The following CFAP221 variants were observed in gnomAD, a reference collection of about 807,000 sequenced individuals.
CFAP221 encodes the protein cilia- and flagella-associated protein 221.
CFAP221 carries 97 observed loss-of-function variants against 113.1 expected under a neutral mutation model. That is an observed-to-expected ratio of 0.86 (90% CI 0.73 to 1.02). CFAP221 has a LOEUF of 1.02. Ranked by LOEUF, CFAP221 falls within the 50% of genes least tolerant of loss-of-function variation. CFAP221 has a pLI of 0.00. For synonymous variants in CFAP221, 331 were observed against 354.4 expected (o/e 0.93, Z 0.74); for missense variants, 1,025 against 1,013.4 (o/e 1.01, Z -0.16).
At chr2:119,629,994 A>T in intron 17 of CFAP221, 39 bp downstream of exon 17, 2 of 1,499,752 alleles carry the variant, frequency 1.3e-6, no homozygotes, top group Non-Finnish European at 1.8e-6. Context: ...TGAGTTTCTT[A>T]TTAAGTAAAC....
At chr2:119,656,310 G>T (rs890555955) in intron 23 of CFAP221, 52 bp from the exon 24 acceptor site, 5 of 1,459,238 alleles carry the variant, frequency 3.4e-6, no homozygotes, top group African/African-American at 1.4e-5. Flanking sequence ...GGTGATTTGC[G>T]TGGTTTTATT....
At chr2:119,547,524 A>G (rs1680134862) in intron 2 of CFAP221, among the ~76,000 whole-genome samples, 1 of 152,182 alleles carries the variant, frequency 6.6e-6, no homozygotes, top group African/African-American at 2.4e-5. Context: ...GCGCCACTGC[A>G]CTCCAGTCAG....
In CFAP221 at chr2:119,587,099, C is replaced by T. The variant is rs895924839; in HGVS notation, c.528-20C>T. ...TAAAGAAAAATAATATTTTTATTTT[C>T]TTTTTTGTTTGTTTTGCAGCAAAAC... On this transcript the variant is annotated intron_variant, in intron 6 of 23. Coordinates refer to ENST00000413369, the MANE Select transcript of CFAP221 (RefSeq NM_001271049.2). 3 of 1,460,016 alleles carry T rather than the reference C, an allele frequency of 2.1e-6. No homozygotes were observed. Among genetic ancestry groups the T allele is most frequent in the East Asian group, 5.0e-5 (2 of 39,926 alleles). The allele number at this position is 1,460,016 out of a possible 1,614,324, so 90.4% of individuals were successfully genotyped here.
At chr2:119,549,759 T>C (rs1310809171) in intron 3 of CFAP221, among the ~76,000 whole-genome samples, 2 of 152,284 alleles carry the variant, frequency 1.3e-5, no homozygotes, top group Middle Eastern at 6.8e-3. Context: ...CCAGAGAGAA[T>C]CTGTCTAGGT....
At chr2:119,583,076 A>G (rs1682958472) in intron 6 of CFAP221, among the ~76,000 whole-genome samples, 1 of 152,170 alleles carries the variant, frequency 6.6e-6, no homozygotes, top group Admixed American at 6.5e-5. Flanking sequence ...ACCTAAAATA[A>G]AACTTTTCAG....
chr2:119,594,049 A>G (rs1683781425), intron 7 of CFAP221, among the ~76,000 whole-genome samples: 2 of 152,126 alleles, frequency 1.3e-5, no homozygotes. Context: ...CATCCAAACC[A>G]TAGCATACAG....
intron 23 of CFAP221, among the ~76,000 whole-genome samples, chr2:119,653,248 G>A (rs1688234525): frequency 6.6e-6 from 1 of 152,064 alleles, no homozygotes; most frequent in South Asian, 2.1e-4. Flanking sequence ...GGGCGTGGTG[G>A]CAGGTGCCTA....
chr2:119,582,753 G>A (rs1177594075), intron 6 of CFAP221, among the ~76,000 whole-genome samples: 1 of 152,136 alleles, frequency 6.6e-6, no homozygotes, highest in African/African-American at 2.4e-5. Flanking sequence ...ACAGCACCCA[G>A]CTGTCAATAA....
chr2:119,544,928 G>A (rs1169579989), intron 1 of CFAP221, among the ~76,000 whole-genome samples: 2 of 152,082 alleles, frequency 1.3e-5, no homozygotes, highest in African/African-American at 4.8e-5. Flanking sequence ...GGCTCCGGGA[G>A]GAGACGGGCT....
intron 19 of CFAP221, among the ~76,000 whole-genome samples, chr2:119,636,626 G>A (rs1687130072): frequency 2.0e-5 from 3 of 152,176 alleles, no homozygotes; most frequent in Non-Finnish European, 2.9e-5. Flanking sequence ...TAGAGTTAGG[G>A]TGGTGACCAC....
chr2:119,572,681 A>T (rs1682153334), intron 6 of CFAP221: 12 of 628,442 alleles, frequency 1.9e-5, no homozygotes, highest in Non-Finnish European at 3.2e-5. Context: ...CTCTAGACAA[A>T]CCTGCCTGAA....
chr2:119,630,793 T>G lies in CFAP221; in HGVS notation c.1866T>G (p.Leu622=), dbSNP rs777667675. The G allele has an allele frequency of 3.7e-6, 6 of 1,612,282 alleles. No homozygotes were observed. ...AEDEVTTITA[L]PKQDSTTQLS... is the part of the protein sequence containing the mutation. ...ATGAAGTCACCACCATCACAGCCCT[T>G]CCGAAACAGGACTCCACAACTCAGC... Residue 622 remains leucine (L), a synonymous_variant, in exon 19 of 24, where the codon CTT becomes CTG. Transcript: ENST00000413369.
intron 19 of CFAP221, among the ~76,000 whole-genome samples, chr2:119,636,609 T>G (rs1687129214): frequency 6.6e-6 from 1 of 152,066 alleles, no homozygotes; most frequent in Non-Finnish European, 1.5e-5. Flanking sequence ...AGAATAAGCA[T>G]GATGTTTAGA....
intron 6 of CFAP221, among the ~76,000 whole-genome samples, chr2:119,578,813 C>T (rs181606744): frequency 3.6e-4 from 55 of 152,268 alleles, no homozygotes; most frequent in African/African-American, 1.3e-3. Flanking sequence ...CTAGCCTCTT[C>T]ACCCCCCTCT....
intron 1 of CFAP221, chr2:119,545,021 C>T (rs1464667334): frequency 5.4e-5 from 8 of 147,566 alleles, no homozygotes; most frequent in Non-Finnish European, 1.2e-4. Flanking sequence ...TTCAGCGATG[C>T]TATGAGAGGT....
intron 14 of CFAP221, among the ~76,000 whole-genome samples, chr2:119,624,836 CAG>C (rs1686181344): frequency 6.6e-6 from 1 of 152,060 alleles, no homozygotes; most frequent in Non-Finnish European, 1.5e-5. Context: ...CACATGGACA[CAG>C]GGAGGGGAAC....
At chr2:119,573,294 C>G (rs2104575804) in intron 6 of CFAP221, 1 of 152,262 alleles carries the variant, frequency 6.6e-6, no homozygotes, top group South Asian at 2.1e-4. Flanking sequence ...TGAAGCCCTC[C>G]CTACTCGGAG....
At position 119,604,685 on chromosome 2, in the gene CFAP221, G is replaced by T; in HGVS notation, c.805G>T (p.Glu269Ter). ...TTTAACCTATAGATTAGAAGAGTTTGAAAGGTTGAATACCCTTTCTAAGAA... is the reference window on the plus strand; with the variant it reads ...TTTAACCTATAGATTAGAAGAGTTTTAAAGGTTGAATACCCTTTCTAAGAA... Reference protein sequence around the residue: ...PNMALPLEEFERLNTLSKKVN... With the variant: ...PNMALPLEEF The change falls in exon 9 of 24, where the codon GAA (glutamate) becomes TAA (stop). Residue 269 changes from glutamate (E) to a stop codon, truncating the protein, a stop_gained. Coordinates refer to ENST00000413369, the MANE Select transcript of CFAP221 (RefSeq NM_001271049.2). LOFTEE classifies it high-confidence loss of function. 1.3e-6 allele frequency: 2 copies of T among 1,558,390 alleles called. No individual in the cohort carries two copies. The highest frequency in any genetic ancestry group is 1.2e-5 in the South Asian group (1 of 81,620).
intron 6 of CFAP221, among the ~76,000 whole-genome samples, chr2:119,583,344 G>GA (rs1682973867): frequency 1.4e-5 from 2 of 139,758 alleles, no homozygotes; most frequent in African/African-American, 2.6e-5. Flanking sequence ...GCAATGATCA[G>GA]AAAAAAATAC....
Sources: gnomAD v4.1 joint callset for allele counts (sites outside exome capture counted in the v4.1 genomes callset) on GRCh38, gnomAD v4.1.1 for gene constraint, MANE v1.5 for transcripts, NCBI Gene and HGNC (gene_info 2026-07-23, HGNC 2026-07-21) for gene names.